Variants in SPATA16 observed in about 807,000 individuals in gnomAD.
SPATA16 encodes the protein spermatogenesis-associated protein 16.
Under a neutral mutation model 63.3 loss-of-function variants are expected in SPATA16, and 36 were observed. The ratio of observed to expected loss-of-function variants is 0.57; its 90% CI spans 0.44 to 0.75. The LOEUF is 0.75. Among genes scored for constraint, SPATA16 ranks in the 30% least tolerant of loss-of-function variants. The pLI is 0.00. For missense variants in SPATA16, 646 were observed against 679.3 expected, an observed-to-expected ratio of 0.95 and a Z score of 0.54; for synonymous variants, 203 against 216.7, an observed-to-expected ratio of 0.94 and a Z score of 0.56.
At chr3:172,976,337 A>T (rs76232945) in intron 5 of SPATA16, among the ~76,000 whole-genome samples, 5,784 of 152,116 alleles carry the variant, frequency 0.038, 374 homozygotes, top group African/African-American at 0.13. Context: ...AAACTTATTG[A>T]CAGCTTGTTG....
At chr3:172,966,046 A>T (rs918932556) in intron 5 of SPATA16, among the ~76,000 whole-genome samples, 24 of 152,200 alleles carry the variant, frequency 1.6e-4, no homozygotes, top group Non-Finnish European at 3.1e-4. Context: ...AAAATGTCTC[A>T]GAGGGGAAAT....
chr3:173,136,953 T>C (rs757469575), intron 1 of SPATA16, among the ~76,000 whole-genome samples: 2 of 152,166 alleles, frequency 1.3e-5, no homozygotes, highest in Non-Finnish European at 2.9e-5. Flanking sequence ...TGGTGACCAC[T>C]TGAGAGGAAA....
intron 4 of SPATA16, among the ~76,000 whole-genome samples, chr3:173,011,621 A>G (rs1478800460): frequency 6.6e-6 from 1 of 152,216 alleles, no homozygotes; most frequent in Non-Finnish European, 1.5e-5. Flanking sequence ...CTTAGGCAAA[A>G]GAAAGAAATA....
chr3:173,027,080 A>G (rs554889794), intron 3 of SPATA16, among the ~76,000 whole-genome samples: 1 of 152,052 alleles, frequency 6.6e-6, no homozygotes, highest in South Asian at 2.1e-4. Flanking sequence ...GGCTTTATTT[A>G]ATTTCTTTCA....
At chr3:173,117,781 G>T (rs1276330879) in intron 1 of SPATA16, 32 bp from the exon 2 acceptor site, 1 of 1,613,398 alleles carries the variant, frequency 6.2e-7, no homozygotes. Context: ...AAGTAATTAA[G>T]GCAATATTTT....
intron 2 of SPATA16, among the ~76,000 whole-genome samples, chr3:173,074,257 G>A (rs1475275109): frequency 1.3e-5 from 2 of 152,120 alleles, no homozygotes; most frequent in Non-Finnish European, 2.9e-5. Context: ...GGGACTCTTG[G>A]GAAGGCATGA....
intron 1 of SPATA16, among the ~76,000 whole-genome samples, chr3:173,119,153 C>A (rs1247967181): frequency 6.6e-6 from 1 of 151,434 alleles, no homozygotes; most frequent in Non-Finnish European, 1.5e-5. Context: ...TGGGGCCTGT[C>A]GAGGGGGTGT....
At chr3:172,957,602 G>T (rs1347146508) in intron 5 of SPATA16, among the ~76,000 whole-genome samples, 1 of 152,288 alleles carries the variant, frequency 6.6e-6, no homozygotes, top group East Asian at 1.9e-4. Flanking sequence ...AAACGTGGAA[G>T]TGTCTATGGT....
chr3:173,139,892 G>C (rs1310931407), intron 1 of SPATA16, among the ~76,000 whole-genome samples: 1 of 152,152 alleles, frequency 6.6e-6, no homozygotes, highest in Non-Finnish European at 1.5e-5. Flanking sequence ...GGCTGAGGCA[G>C]GAGAATCACT....
chr3:172,898,806 T>C (rs1217105983), intron 10 of SPATA16, among the ~76,000 whole-genome samples: 2 of 151,770 alleles, frequency 1.3e-5, no homozygotes, highest in African/African-American at 4.8e-5. Context: ...ATTTCAGTTA[T>C]TGATTTGAGA....
At chr3:172,917,100 A>G (rs1732510855) in intron 8 of SPATA16, among the ~76,000 whole-genome samples, 1 of 152,114 alleles carries the variant, frequency 6.6e-6, no homozygotes, top group African/African-American at 2.4e-5. Context: ...GACACAGACT[A>G]CTGTGTGCCT....
chr3:173,002,795 A>G (rs1379150755), intron 4 of SPATA16, among the ~76,000 whole-genome samples: 2 of 152,188 alleles, frequency 1.3e-5, no homozygotes, highest in Non-Finnish European at 2.9e-5. Flanking sequence ...GACAGAGCTG[A>G]TATTGAAGAT....
At chr3:173,058,033 A>G (rs1471639448) in intron 2 of SPATA16, among the ~76,000 whole-genome samples, 3 of 152,152 alleles carry the variant, frequency 2.0e-5, no homozygotes, top group African/African-American at 4.8e-5. Flanking sequence ...TCAAAATTCT[A>G]TTATTAAAAA....
chr3:172,976,772 T>TA (rs1268779584), intron 5 of SPATA16, among the ~76,000 whole-genome samples, 196 bp downstream of exon 5: 1 of 152,096 alleles, frequency 6.6e-6, no homozygotes, highest in Non-Finnish European at 1.5e-5. Context: ...GGCCATGGGT[T>TA]AACAACCTTG....
At chr3:172,915,827 T>C (rs2109564950) in intron 9 of SPATA16, among the ~76,000 whole-genome samples, 1 of 152,340 alleles carries the variant, frequency 6.6e-6, no homozygotes, top group East Asian at 1.9e-4. Flanking sequence ...AAACAGCTTT[T>C]GTTGATTTAT....
intron 4 of SPATA16, among the ~76,000 whole-genome samples, chr3:173,011,482 G>A (rs1304518007): frequency 6.6e-6 from 1 of 152,136 alleles, no homozygotes; most frequent in Non-Finnish European, 1.5e-5. Flanking sequence ...TGCATTCAGG[G>A]TGGTATGGCT....
chr3:172,919,099 A>G (rs1426540569), intron 8 of SPATA16, among the ~76,000 whole-genome samples: 1 of 152,234 alleles, frequency 6.6e-6, no homozygotes, highest in African/African-American at 2.4e-5. Flanking sequence ...TGAAGTATTA[A>G]AAACATGGTT....
chr3:172,965,727 G>A (rs78128992), intron 5 of SPATA16, among the ~76,000 whole-genome samples: 3,066 of 152,000 alleles, frequency 0.02, 92 homozygotes, highest in African/African-American at 0.071. Context: ...CACCTCCTGG[G>A]TTCAAGCGAT....
chr3:173,059,844 TTTTTTTTTTTTTTTTTTTTG>T (rs1180272773), intron 2 of SPATA16, among the ~76,000 whole-genome samples: 2 of 113,168 alleles, frequency 1.8e-5, no homozygotes. Flanking sequence ...TTTTTTTTTT[TTTTTTTTTTTTTTTTTTTTG>T]ACGTACAGCT....
Sources: gnomAD v4.1 joint callset for allele counts (sites outside exome capture counted in the v4.1 genomes callset) on GRCh38, gnomAD v4.1.1 for gene constraint, MANE v1.5 for transcripts, NCBI Gene and HGNC (gene_info 2026-07-23, HGNC 2026-07-21) for gene names.